The following SSBP3 variants were observed in gnomAD, a reference collection of about 807,000 sequenced individuals.
The protein encoded by SSBP3 is single stranded DNA binding protein 3.
In SSBP3, 5 loss-of-function variants were observed where a neutral mutation model predicts 69.6. That is an observed-to-expected ratio of 0.07 (90% CI 0.04 to 0.15). The LOEUF (loss-of-function observed/expected upper bound fraction) is 0.15, where lower values mean the gene tolerates loss of function less well. SSBP3 is among the 10% of genes least tolerant of loss of function. SSBP3 has a pLI of 1.00. For missense variants in SSBP3, 312 were observed against 534.0 expected, an observed-to-expected ratio of 0.58 and a Z score of 4.10; for synonymous variants, 196 against 193.4, an observed-to-expected ratio of 1.01 and a Z score of -0.11.
At chr1:54,386,617 C>G (rs541119433) in intron 4 of SSBP3, among the ~76,000 whole-genome samples, 1 of 150,052 alleles carries the variant, frequency 6.7e-6, no homozygotes, top group Admixed American at 6.7e-5. Context: ...CATCTTCAAA[C>G]CCATCTACCC....
intron 4 of SSBP3, among the ~76,000 whole-genome samples, chr1:54,401,447 T>C (rs960661502): frequency 5.3e-5 from 8 of 151,022 alleles, no homozygotes; most frequent in African/African-American, 2.0e-4. Flanking sequence ...AGCAAGAGAG[T>C]CCATTCCACC....
intron 5 of SSBP3, among the ~76,000 whole-genome samples, chr1:54,262,214 C>T (rs534229390): frequency 1.3e-5 from 2 of 152,242 alleles, no homozygotes; most frequent in African/African-American, 2.4e-5. Flanking sequence ...CATCTAATCC[C>T]GGACTCCTCG....
At chr1:54,374,981 C>T (rs1026958115) in intron 4 of SSBP3, among the ~76,000 whole-genome samples, 2 of 152,202 alleles carry the variant, frequency 1.3e-5, no homozygotes, top group African/African-American at 4.8e-5. Flanking sequence ...CACCCCACCC[C>T]GTCACTGTGG....
At chr1:54,225,502 ATTAC>A in exon 18 of SSBP3, 1 of 1,111,172 alleles carries the variant, frequency 9.0e-7, no homozygotes, top group Non-Finnish European at 1.1e-6. Context: ...ATGTATCATA[ATTAC>A]TTTTTTTTCC....
chr1:54,402,327 C>T (rs918175053), intron 3 of SSBP3, among the ~76,000 whole-genome samples: 5 of 152,132 alleles, frequency 3.3e-5, no homozygotes, highest in Admixed American at 2.0e-4. Flanking sequence ...CAAATGTGGA[C>T]GAGAATCCAT....
chr1:54,240,087 T>TGCAC (rs1644591194), intron 13 of SSBP3, among the ~76,000 whole-genome samples: 1 of 42,344 alleles, frequency 2.4e-5, no homozygotes, highest in African/African-American at 1.4e-4. Context: ...TGTGTGTGTG[T>TGCAC]GCGCGCGCGC....
intron 4 of SSBP3, among the ~76,000 whole-genome samples, chr1:54,281,969 G>A (rs1034316386): frequency 2.0e-5 from 3 of 151,786 alleles, no homozygotes; most frequent in South Asian, 2.1e-4. Flanking sequence ...AGTGGCATAC[G>A]CCTGTAGTTC....
chr1:54,375,929 A>G (rs1647216337), intron 4 of SSBP3, among the ~76,000 whole-genome samples: 1 of 151,244 alleles, frequency 6.6e-6, no homozygotes, highest in African/African-American at 2.4e-5. Flanking sequence ...AGGCTCTGGG[A>G]GGAAAGGGAG....
exon 17 of SSBP3, chr1:54,228,276 G>A (rs777431651): frequency 4.3e-6 from 7 of 1,614,036 alleles, no homozygotes; most frequent in Non-Finnish European, 5.9e-6. Flanking sequence ...GAAAGGAGTG[G>A]AGGAAGTTCC....
intron 14 of SSBP3, among the ~76,000 whole-genome samples, chr1:54,233,597 GC>G (rs1271058984): frequency 7.0e-6 from 1 of 143,846 alleles, no homozygotes; most frequent in Non-Finnish European, 1.5e-5. Context: ...GGGGGGGTCA[GC>G]CCCCTGCCCG....
chr1:54,293,317 G>A (rs1473754876), intron 4 of SSBP3, among the ~76,000 whole-genome samples: 2 of 152,040 alleles, frequency 1.3e-5, no homozygotes, highest in African/African-American at 2.4e-5. Context: ...TCGGAGGCAC[G>A]CGGGCTGGTC....
intron 4 of SSBP3, among the ~76,000 whole-genome samples, chr1:54,328,634 A>G (rs970209755): frequency 1.3e-5 from 2 of 152,136 alleles, no homozygotes; most frequent in African/African-American, 4.8e-5. Flanking sequence ...CATCTTGAAA[A>G]ACGCTGGGGT....
chr1:54,311,477 C>T (rs1359950317), intron 4 of SSBP3, among the ~76,000 whole-genome samples: 2 of 152,156 alleles, frequency 1.3e-5, no homozygotes, highest in Non-Finnish European at 2.9e-5. Flanking sequence ...TGAGGCTCCT[C>T]CAGGGACAAT....
chr1:54,281,425 G>GC lies in SSBP3; in HGVS notation c.366+12dup, dbSNP rs1557491539. ...ACAAGGTGGAGCACAAGACCCACGGGCCCCGCACGTACCTGAAAGAAACCT... is the reference window on the plus strand; with the variant it reads ...ACAAGGTGGAGCACAAGACCCACGGGCCCCCGCACGTACCTGAAAGAAACCT... On this transcript the variant is annotated intron_variant, in intron 5 of 17. Coordinates refer to ENST00000610401, the Ensembl canonical transcript of SSBP3. 1.3e-6 allele frequency: 2 copies of GC among 1,550,630 alleles called. No homozygotes were observed. Among genetic ancestry groups the GC allele is most frequent in the African/African-American group, 1.4e-5 (1 of 73,144 alleles).
chr1:54,355,516 T>G (rs1326707025), intron 4 of SSBP3, among the ~76,000 whole-genome samples: 1 of 152,008 alleles, frequency 6.6e-6, no homozygotes, highest in African/African-American at 2.4e-5. Context: ...GCGTGACTAA[T>G]TTTTGTATTT....
chr1:54,289,032 AAAAAC>A (rs1489308722), intron 4 of SSBP3, among the ~76,000 whole-genome samples: 2 of 59,468 alleles, frequency 3.4e-5, no homozygotes, highest in African/African-American at 9.3e-5. Flanking sequence ...AAAAAAAAAA[AAAAAC>A]AAAAAAACAA....
At chr1:54,391,086 G>A (rs956782554) in intron 4 of SSBP3, among the ~76,000 whole-genome samples, 5 of 152,222 alleles carry the variant, frequency 3.3e-5, no homozygotes, top group Non-Finnish European at 5.9e-5. Flanking sequence ...CTTAGGTGGA[G>A]GTTTTCTCAA....
intron 4 of SSBP3, among the ~76,000 whole-genome samples, chr1:54,371,067 G>A (rs145517043): frequency 6.6e-6 from 1 of 152,286 alleles, no homozygotes; most frequent in East Asian, 1.9e-4. Flanking sequence ...CAAGACTGCT[G>A]CCAGAAGACC....
At chr1:54,340,850 G>A (rs1223393943) in intron 4 of SSBP3, among the ~76,000 whole-genome samples, 1 of 152,216 alleles carries the variant, frequency 6.6e-6, no homozygotes, top group African/African-American at 2.4e-5. Context: ...TGGCTAAGAG[G>A]AGGCAGAAGG....
Sources: allele counts gnomAD v4.1 joint callset (sites outside exome capture counted in the v4.1 genomes callset), GRCh38; gene constraint gnomAD v4.1.1; transcripts MANE v1.5; gene names NCBI Gene and HGNC (gene_info 2026-07-23, HGNC 2026-07-21).